The following CACNA1B variants were observed in gnomAD, a reference collection of about 807,000 sequenced individuals.
CACNA1B encodes the protein voltage-dependent N-type calcium channel subunit alpha-1B.
CACNA1B carries 70 observed loss-of-function variants against 247.2 expected under a neutral mutation model. That is an observed-to-expected ratio of 0.28 (90% confidence interval 0.23 to 0.35). The LOEUF (loss-of-function observed/expected upper bound fraction) is 0.35, where lower values mean the gene tolerates loss of function less well. Ranked by LOEUF, CACNA1B falls within the 10% of genes least tolerant of loss-of-function variation. The pLI is 1.00. For missense variants in CACNA1B, 2,367 were observed against 3,197.4 expected, an observed-to-expected ratio of 0.74 and a Z score of 6.26; for synonymous variants, 1,231 against 1,294.4, an observed-to-expected ratio of 0.95 and a Z score of 1.05.
At chr9:138,104,788 G>A (rs1961367945) in intron 38 of CACNA1B, among the ~76,000 whole-genome samples, 1 of 152,248 alleles carries the variant, frequency 6.6e-6, no homozygotes, top group African/African-American at 2.4e-5. Context: ...CACTTGGCCA[G>A]CTCCTTGCTC....
chr9:138,093,403 C>CAAAAAAA (rs58608297), intron 36 of CACNA1B, among the ~76,000 whole-genome samples: 7 of 43,230 alleles, frequency 1.6e-4, no homozygotes, highest in African/African-American at 2.8e-4. Flanking sequence ...GACTCTGTCT[C>CAAAAAAA]AAAAAAAAAA....
chr9:138,118,775 G>A lies in CACNA1B; in HGVS notation c.6030+7G>A. 1 of 1,333,222 alleles carries A rather than the reference G, an allele frequency of 7.5e-7. No individual in the cohort carries two copies. The highest frequency in any genetic ancestry group is 1.0e-6 in the Non-Finnish European group (1 of 960,066). The allele number at this position is 1,333,222 out of a possible 1,614,324, so 82.6% of individuals were successfully genotyped here. On this transcript the variant is annotated splice_region_variant and intron_variant, in intron 44 of 46. Transcript: ENST00000371372. ...CCTTGCGGCCGAGACTCAGGTAGGT[G>A]GTCTGGGAGGGTCCAGGCCCTGGGC... is the stretch of plus-strand genomic sequence containing the variant.
At chr9:138,074,164 T>C in intron 34 of CACNA1B, 98 bp downstream of exon 34, 1 of 887,198 alleles carries the variant, frequency 1.1e-6, no homozygotes, top group Non-Finnish European at 1.9e-6. Context: ...TCATAATCAG[T>C]TGATCCTTAG....
At chr9:137,946,399 C>T (rs1379601527) in intron 6 of CACNA1B, among the ~76,000 whole-genome samples, 9 of 152,086 alleles carry the variant, frequency 5.9e-5, no homozygotes, top group African/African-American at 1.7e-4. Flanking sequence ...GTGAATTCCT[C>T]CTTGACAAGC....
chr9:137,937,025 T>G (rs1014254384), intron 6 of CACNA1B, among the ~76,000 whole-genome samples: 1 of 152,208 alleles, frequency 6.6e-6, no homozygotes, highest in African/African-American at 2.4e-5. Context: ...GAGAAAGTCA[T>G]TGGTAGCTTG....
At chr9:137,894,076 A>G (rs1233659166) in intron 3 of CACNA1B, among the ~76,000 whole-genome samples, 2 of 152,244 alleles carry the variant, frequency 1.3e-5, no homozygotes, top group Admixed American at 6.5e-5. Flanking sequence ...ACAAAGCTGT[A>G]TACACATTCA....
intron 20 of CACNA1B, among the ~76,000 whole-genome samples, chr9:138,037,063 G>A (rs1360254296): frequency 6.6e-6 from 1 of 152,212 alleles, no homozygotes; most frequent in Non-Finnish European, 1.5e-5. Context: ...CTTTAAAAGA[G>A]TTTTCCTCTG....
rs1054789669 is a variant in CACNA1B at position 138,118,687 on chromosome 9, G to A, written c.5949G>A (p.Arg1983=). 5 of 1,565,774 alleles carry A rather than the reference G, an allele frequency of 3.2e-6. No homozygotes were observed. The highest frequency in any genetic ancestry group is 1.9e-5 in the Admixed American group (1 of 52,560). Residue 1983 remains arginine, a synonymous_variant, in exon 44 of 47, where the codon AGG becomes AGA. Transcript: ENST00000371372. ...VDVQMQSITR[R]GPDGEPQPGL... is the part of the protein sequence containing the mutation. ...TTCAGATGCAGAGCATAACCCGGAGGGGCCCTGATGGGGAGCCCCAGCCTG... is the reference window on the plus strand; with the variant it reads ...TTCAGATGCAGAGCATAACCCGGAGAGGCCCTGATGGGGAGCCCCAGCCTG...
rs967561081 is a variant in CACNA1B at position 138,020,959 on chromosome 9, G to C, written c.2268-2052G>C. ...GCAATGCTGGTCCCCAAGATTCACG[G>C]CTTCATCAGAGCGGGCCACCCTGCT... On this transcript the variant is annotated intron_variant, in intron 18 of 46. Transcript: ENST00000371372. This position sits in a 1 kb window ranked among gnomAD's most constrained non-coding sequence, Gnocchi z 4.1. Among the ~76,000 whole-genome samples, 1 of 152,160 alleles carries C rather than the reference G, an allele frequency of 6.6e-6. No homozygotes were observed. Among genetic ancestry groups the C allele is most frequent in the Non-Finnish European group, 1.5e-5 (1 of 68,022 alleles).
rs1205369529 is a variant in CACNA1B at position 138,051,035 on chromosome 9, C to T, written c.3711-1057C>T. 1.3e-5 allele frequency among the ~76,000 whole-genome samples: 2 copies of T among 152,124 alleles called. No individual in the cohort carries two copies. The highest frequency in any genetic ancestry group is 2.9e-5 in the Non-Finnish European group (2 of 68,020). On this transcript the variant is annotated intron_variant, in intron 24 of 46. Coordinates refer to ENST00000371372, the MANE Select transcript of CACNA1B (RefSeq NM_000718.4). The surrounding 1 kb of genome is among the most constrained non-coding windows in gnomAD (Gnocchi z 4.3). ...GCCTTCCCCAGGGAGCGTGGTGGGACGTGGCCTCTGAGCAGGGTGGGAAGG... is the reference window on the plus strand; with the variant it reads ...GCCTTCCCCAGGGAGCGTGGTGGGATGTGGCCTCTGAGCAGGGTGGGAAGG...
chr9:138,028,628 T>C (rs1009096434), intron 20 of CACNA1B, among the ~76,000 whole-genome samples: 1 of 152,232 alleles, frequency 6.6e-6, no homozygotes, highest in African/African-American at 2.4e-5. Context: ...TTCTAGTGAA[T>C]AGTTTGCAAA....
At position 137,914,819 on chromosome 9, in the gene CACNA1B, A is replaced by T. The variant is rs567155794; in HGVS notation, c.775+13A>T. On this transcript the variant is annotated intron_variant, in intron 5 of 46. Coordinates refer to ENST00000371372, the MANE Select transcript of CACNA1B (RefSeq NM_000718.4). This position sits in a 1 kb window ranked among gnomAD's most constrained non-coding sequence, Gnocchi z 4.3. ...CCCAACAGCACAGGTGAGGCCAGGCAGCACCCTCCAGCACAGGCAAGTGCC... is the reference window on the plus strand; with the variant it reads ...CCCAACAGCACAGGTGAGGCCAGGCTGCACCCTCCAGCACAGGCAAGTGCC... 45 of 1,613,372 alleles carry T rather than the reference A, an allele frequency of 2.8e-5. No individual in the cohort carries two copies. The East Asian group carries it at 9.8e-4, about 35-fold the overall frequency.
chr9:138,024,196 G>T (rs1958890676), intron 19 of CACNA1B, among the ~76,000 whole-genome samples: 1 of 152,230 alleles, frequency 6.6e-6, no homozygotes, highest in African/African-American at 2.4e-5. Context: ...AGAGGCAGAA[G>T]GGCCCAAGGG....
rs534349975 is a variant in CACNA1B, at chr9:138,102,154, TC to T, written c.5223-554del. On this transcript the variant is annotated intron_variant, in intron 37 of 46. Coordinates refer to ENST00000371372, the MANE Select transcript of CACNA1B (RefSeq NM_000718.4). The surrounding 1 kb of genome is among the most constrained non-coding windows in gnomAD (Gnocchi z 5.4). ...GGTTTTGGCTGTACAGCTTCAGGGCTCCCTGTTTAGTTTTCTGGTTTGTTTC... is the reference window on the plus strand; with the variant it reads ...GGTTTTGGCTGTACAGCTTCAGGGCTCCTGTTTAGTTTTCTGGTTTGTTTC... 3.3e-5 allele frequency among the ~76,000 whole-genome samples: 5 copies of T among 152,260 alleles called. No homozygotes were observed. The South Asian group carries it at 1.0e-3, about 32-fold the overall frequency.
rs1028865016 is a variant in CACNA1B, at chr9:138,011,494, G to A, written c.2160+1417G>A. Among the ~76,000 whole-genome samples the A allele has an allele frequency of 2.6e-5, 4 of 152,276 alleles. No homozygotes were observed. Among genetic ancestry groups the A allele is most frequent in the South Asian group, 4.1e-4 (2 of 4,822 alleles). On this transcript the variant is annotated intron_variant, in intron 17 of 46. Coordinates refer to ENST00000371372, the MANE Select transcript of CACNA1B (RefSeq NM_000718.4). This position sits in a 1 kb window ranked among gnomAD's most constrained non-coding sequence, Gnocchi z 4.2. ...CCAAGAGCCGCAAAGTTTATGACTC[G>A]ACCATCCCCTTCCCTTATATTCCCA...
intron 21 of CACNA1B, among the ~76,000 whole-genome samples, chr9:138,046,117 G>T (rs1168424855): frequency 6.6e-6 from 1 of 152,206 alleles, no homozygotes; most frequent in Non-Finnish European, 1.5e-5. Flanking sequence ...TAGCAGGGAG[G>T]CCCCTGCTTG....
At chr9:138,077,577 G>A (rs541589115) in intron 35 of CACNA1B, among the ~76,000 whole-genome samples, 45 of 152,350 alleles carry the variant, frequency 3.0e-4, no homozygotes, top group Admixed American at 7.8e-4. Flanking sequence ...GCTTCCTGCC[G>A]TGTAGGGCAG....
intron 10 of CACNA1B, among the ~76,000 whole-genome samples, chr9:137,964,599 T>C (rs1958054728): frequency 6.6e-6 from 1 of 152,226 alleles, no homozygotes; most frequent in African/African-American, 2.4e-5. Context: ...TGTATTGTTT[T>C]ATCATGATTG....
Position 137,990,189 on chromosome 9 carries a change from T to C in CACNA1B, c.1974+3335T>C, listed in dbSNP as rs1958415983. On this transcript the variant is annotated intron_variant, in intron 15 of 46. Coordinates refer to ENST00000371372, the MANE Select transcript of CACNA1B (RefSeq NM_000718.4). This position sits in a 1 kb window ranked among gnomAD's most constrained non-coding sequence, Gnocchi z 4.5. The stretch of plus-strand genomic sequence containing the variant: ...TGGGGTGAGGCCTGTGACTGCTGGC[T>C]TTCTCCCACTTTCCTGGAGGACCTG... Among the ~76,000 whole-genome samples, 1 of 152,104 alleles carries C rather than the reference T, an allele frequency of 6.6e-6. No homozygotes were observed. The highest frequency in any genetic ancestry group is 2.1e-4 in the South Asian group (1 of 4,820).
Sources: gnomAD v4.1 joint callset for allele counts (sites outside exome capture counted in the v4.1 genomes callset) on GRCh38, gnomAD v4.1.1 for gene constraint, Gnocchi (gnomAD v3.1) non-coding constraint, MANE v1.5 for transcripts, NCBI Gene and HGNC (gene_info 2026-07-23, HGNC 2026-07-21) for gene names.